NFIB: variants seen among roughly 807,000 people sequenced by gnomAD.
The protein encoded by NFIB is nuclear factor 1 B-type.
A neutral mutation model predicts 61.5 loss-of-function variants in NFIB; 11 were observed. That is an observed-to-expected ratio of 0.18 (90% confidence interval 0.11 to 0.30). The LOEUF (loss-of-function observed/expected upper bound fraction) is 0.30. Ranked by LOEUF, NFIB falls within the 10% of genes least tolerant of loss-of-function variation. The pLI is 1.00. For missense variants in NFIB, 471 were observed against 608.9 expected, an observed-to-expected ratio of 0.77 and a Z score of 2.38; for synonymous variants, 260 against 216.5, an observed-to-expected ratio of 1.20 and a Z score of -1.76.
intron 1 of NFIB, among the ~76,000 whole-genome samples, chr9:14,326,190 A>C (rs1295827927): frequency 1.3e-5 from 2 of 152,180 alleles, no homozygotes; most frequent in Non-Finnish European, 2.9e-5. Context: ...CATGGTAATA[A>C]TTTGTATTAT....
chr9:14,456,348 C>T, the NFIB span, among the ~76,000 whole-genome samples: 6 of 151,946 alleles, frequency 3.9e-5, no homozygotes, highest in Non-Finnish European at 8.8e-5. Flanking sequence ...AATTCAACTA[C>T]TTAATAATAA....
In NFIB at chr9:14,381,855, G is replaced by A. The variant is rs1183660473; in HGVS notation, c.108+16669C>T. Among the ~76,000 whole-genome samples the A allele has an allele frequency of 3.9e-5, 6 of 152,314 alleles. No individual in the cohort carries two copies. The South Asian group carries it at 6.2e-4, about 16-fold the overall frequency. ...CATAGCAGCCACTCACAAAAATATC[G>A]GTTGAATGAATGAATAAGGGTGAAA... On this transcript the variant is annotated intron_variant, in intron 1 of 8. Transcript: ENST00000380934.
At chr9:14,380,310 C>T (rs561806899) in intron 1 of NFIB, among the ~76,000 whole-genome samples, 4 of 152,212 alleles carry the variant, frequency 2.6e-5, no homozygotes, top group African/African-American at 9.6e-5. Context: ...AAGGGGTTTA[C>T]AAAAGGGGAA....
Position 14,085,793 on chromosome 9 carries a change from G to A in NFIB, c.*2516C>T, listed in dbSNP as rs2032783662. ...ATGAAATGAAATGGGGACGAAAAGT[G>A]GCAGAAAAGGAATACGGGAGACTCC... On this transcript the variant is annotated 3_prime_UTR_variant, in exon 11 of 11. Transcript: ENST00000380953. 3 of 221,102 alleles carry A rather than the reference G, an allele frequency of 1.4e-5. No homozygotes were observed. Among genetic ancestry groups the A allele is most frequent in the Admixed American group, 1.2e-4 (2 of 17,314 alleles). The allele number at this position is 221,102 out of a possible 1,614,324, so 13.7% of individuals were successfully genotyped here.
intron 2 of NFIB, among the ~76,000 whole-genome samples, chr9:14,291,290 G>C (rs1335942766): frequency 6.6e-6 from 1 of 152,000 alleles, no homozygotes; most frequent in Non-Finnish European, 1.5e-5. Flanking sequence ...TTCACAACCA[G>C]CCTGGCCAAC....
intron 2 of NFIB, among the ~76,000 whole-genome samples, chr9:14,184,220 T>C (rs1025652370): frequency 3.3e-5 from 5 of 152,222 alleles, no homozygotes; most frequent in African/African-American, 1.2e-4. Context: ...GTTCTCTATA[T>C]GGACAGCCTA....
chr9:14,403,921 A>G (rs1471686876), upstream of NFIB, among the ~76,000 whole-genome samples: 1 of 152,222 alleles, frequency 6.6e-6, no homozygotes, highest in East Asian at 1.9e-4. Flanking sequence ...AAGCACCTCA[A>G]AGAGATCATT....
the NFIB span, among the ~76,000 whole-genome samples, chr9:14,462,518 A>C: frequency 6.6e-6 from 1 of 152,040 alleles, no homozygotes; most frequent in African/African-American, 2.4e-5. Flanking sequence ...TCCTGACCTC[A>C]TGATCAGCCC....
intron 7 of NFIB, among the ~76,000 whole-genome samples, chr9:14,124,857 G>C (rs528187408): frequency 6.6e-6 from 1 of 152,156 alleles, no homozygotes; most frequent in East Asian, 1.9e-4. Flanking sequence ...TAAAACAAGT[G>C]TCAAAAAAAG....
intron 6 of NFIB, among the ~76,000 whole-genome samples, chr9:14,131,535 C>G (rs765036716): frequency 6.6e-6 from 1 of 152,172 alleles, no homozygotes; most frequent in Non-Finnish European, 1.5e-5. Flanking sequence ...AGCGTATGTA[C>G]TCGACTCATC....
chr9:14,368,996 G>A (rs567115019), intron 1 of NFIB, among the ~76,000 whole-genome samples: 2 of 152,238 alleles, frequency 1.3e-5, no homozygotes, highest in African/African-American at 4.8e-5. Flanking sequence ...TAAGTGACAG[G>A]TTTTTGGTAC....
intron 1 of NFIB, among the ~76,000 whole-genome samples, chr9:14,326,464 C>T (rs1327538255): frequency 6.6e-6 from 1 of 152,180 alleles, no homozygotes; most frequent in African/African-American, 2.4e-5. Flanking sequence ...AGTGTTCCTT[C>T]TTTCACTAAC....
intron 2 of NFIB, among the ~76,000 whole-genome samples, chr9:14,290,421 G>C (rs566091589): frequency 6.6e-6 from 1 of 151,986 alleles, no homozygotes; most frequent in Non-Finnish European, 1.5e-5. Flanking sequence ...AATACGGCAG[G>C]TGCGGCGGTA....
chr9:14,506,738 A>G, the NFIB span, among the ~76,000 whole-genome samples: 5 of 152,300 alleles, frequency 3.3e-5, no homozygotes, highest in African/African-American at 1.2e-4. Context: ...TGAATATTTT[A>G]GGTGAATATT....
the NFIB span, among the ~76,000 whole-genome samples, chr9:14,472,062 A>C: frequency 6.6e-6 from 1 of 152,220 alleles, no homozygotes; most frequent in Non-Finnish European, 1.5e-5. Flanking sequence ...CACATGTAGA[A>C]ATAGGAAAGA....
At chr9:14,430,739 G>A in the NFIB span, among the ~76,000 whole-genome samples, 50,221 of 151,904 alleles carry the variant, frequency 0.33, 8,715 homozygotes, top group African/African-American at 0.42. Context: ...TCACCATCTT[G>A]CCTGGCTAAT....
At chr9:14,118,050 T>C (rs1026464837) in intron 8 of NFIB, among the ~76,000 whole-genome samples, 2 of 152,078 alleles carry the variant, frequency 1.3e-5, no homozygotes, top group Non-Finnish European at 1.5e-5. Flanking sequence ...TGCAAATTAA[T>C]TGGTTTTGAG....
intron 2 of NFIB, among the ~76,000 whole-genome samples, chr9:14,298,728 G>A (rs1217301219): frequency 6.6e-6 from 1 of 152,190 alleles, no homozygotes; most frequent in African/African-American, 2.4e-5. Context: ...AGGAAACAGT[G>A]ACATTATTAC....
At chr9:14,530,211 G>T in the NFIB span, among the ~76,000 whole-genome samples, 1 of 152,158 alleles carries the variant, frequency 6.6e-6, no homozygotes, top group Admixed American at 6.5e-5. Context: ...CCTTGGTATT[G>T]TCACAGAAAG....
Sources: allele counts gnomAD v4.1 joint callset (sites outside exome capture counted in the v4.1 genomes callset), GRCh38; gene constraint gnomAD v4.1.1; transcripts MANE v1.5; gene names NCBI Gene and HGNC (gene_info 2026-07-23, HGNC 2026-07-21).